ANKHD1: variants seen among roughly 807,000 people sequenced by gnomAD.
ANKHD1 encodes ankyrin repeat and KH domain-containing protein 1.
In ANKHD1, 31 loss-of-function variants were observed where a neutral mutation model predicts 230.5. That is an observed-to-expected ratio of 0.13 (90% CI 0.10 to 0.18). ANKHD1 has a LOEUF of 0.18. ANKHD1 is among the 10% of genes least tolerant of loss of function. The pLI is 1.00. For synonymous variants in ANKHD1, 1,074 were observed against 1,117.6 expected (o/e 0.96, Z 0.78); for missense variants, 2,256 against 3,071.3 (o/e 0.73, Z 6.27).
intron 7 of ANKHD1, among the ~76,000 whole-genome samples, chr5:140,453,029 T>G (rs1176185047): frequency 6.6e-6 from 1 of 152,116 alleles, no homozygotes; most frequent in African/African-American, 2.4e-5. Context: ...TTAAATGACC[T>G]GATGGAGCTG....
Position 140,485,293 on chromosome 5 carries a change from A to G in ANKHD1, c.1998+45A>G, listed in dbSNP as rs1745251669. 24 of 1,576,994 alleles carry G rather than the reference A, an allele frequency of 1.5e-5. No homozygotes were observed. Among genetic ancestry groups the G allele is most frequent in the Non-Finnish European group, 2.0e-5 (23 of 1,156,378 alleles). On this transcript the variant is annotated intron_variant, in intron 12 of 33. Transcript: ENST00000360839. The surrounding 1 kb of genome is among the most constrained non-coding windows in gnomAD (Gnocchi z 4.8). ...GTAAACAGGCTGTGTGCGGTGGCTC[A>G]TGTCTATGATCCCAGCACTTTAGAA...
At chr5:140,427,889 G>T (rs187756249) in intron 1 of ANKHD1, among the ~76,000 whole-genome samples, 3,324 of 151,626 alleles carry the variant, frequency 0.022, 74 homozygotes, top group Admixed American at 0.058. Flanking sequence ...CGGGGCGGCT[G>T]CCAGGTGGAG....
intron 30 of ANKHD1, chr5:140,535,771 A>G (rs187240923): frequency 2.1e-6 from 1 of 467,824 alleles, no homozygotes; most frequent in Admixed American, 4.8e-5. Flanking sequence ...GAAAAGAGGT[A>G]CTAGGCTGGG....
chr5:140,497,372 C>G, intron 15 of ANKHD1, 94 bp downstream of exon 15: 3 of 1,480,402 alleles, frequency 2.0e-6, no homozygotes, highest in South Asian at 2.9e-5. Context: ...TTGTACGTTT[C>G]CATTTTAGAA....
At position 140,509,652 on chromosome 5, in the gene ANKHD1, T is replaced by G; in HGVS notation, c.3781T>G (p.Leu1261Val). Residue 1261 changes from leucine to valine, a missense_variant, in exon 21 of 34, where the codon TTG becomes GTG. Leu to Val is a conservative substitution (Grantham distance 32, BLOSUM62 1). Transcript: ENST00000360839. Reference protein sequence around the residue: ...EHRAKTGLTPLMEAASGGYAE... With the variant: ...EHRAKTGLTPVMEAASGGYAE... ...GTTTAAACAGACGGGTCTTACCCCC[T>G]TGATGGAAGCAGCTTCTGGAGGGTA... The G allele has an allele frequency of 6.3e-7, 1 of 1,582,274 alleles. No homozygotes were observed. The highest frequency in any genetic ancestry group is 8.6e-7 in the Non-Finnish European group (1 of 1,167,630).
In ANKHD1 at chr5:140,440,996, T is replaced by C. The variant is rs1019641143; in HGVS notation, c.767T>C (p.Val256Ala). The change falls in exon 5 of 34, where the codon GTA (valine) becomes GCA (alanine). Residue 256 changes from valine to alanine, a missense_variant and splice_region_variant. This residue lies in a region of ANKHD1 where 206 missense variants were observed against 304.5 expected (regional missense o/e 0.68). Coordinates refer to ENST00000360839, the MANE Select transcript of ANKHD1 (RefSeq NM_017747.3). ...CSAGYYELAQ[V>A]LLAMHANVED... ...TCTGTCTGTATATGTGTTTTAAAGG[T>C]ATTGCTTGCTATGCATGCTAATGTT... 5.0e-6 allele frequency: 8 copies of C among 1,599,152 alleles called. No individual in the cohort carries two copies. The highest frequency in any genetic ancestry group is 5.1e-6 in the Non-Finnish European group (6 of 1,175,030).
At position 140,528,376 on chromosome 5, in the gene ANKHD1, T is replaced by G. The variant is rs938595792; in HGVS notation, c.5430T>G (p.Gly1810=). Residue 1810 remains glycine (G), a synonymous_variant, in exon 29 of 34, where the codon GGT becomes GGG. Transcript: ENST00000360839. ...AASSKNAFPL[G]APTLVTSQAT... ...CCAGTAAAAATGCATTTCCTTTGGG[T>G]GCTCCAACTCTTGTAACTTCACAGG... The G allele has an allele frequency of 6.6e-5, 107 of 1,614,032 alleles. No homozygotes were observed. The highest frequency in any genetic ancestry group is 8.8e-5 in the Non-Finnish European group (104 of 1,180,036).
chr5:140,525,333 G>A (rs1018118587), intron 25 of ANKHD1, among the ~76,000 whole-genome samples: 1 of 151,796 alleles, frequency 6.6e-6, no homozygotes, highest in African/African-American at 2.4e-5. Context: ...TGCAATCTCG[G>A]CTCACTGCAA....
At chr5:140,523,108 C>CCT (rs1491378048) in intron 24 of ANKHD1, among the ~76,000 whole-genome samples, 138 of 93,494 alleles carry the variant, frequency 1.5e-3, no homozygotes, top group African/African-American at 5.5e-3. Context: ...TTTCTTTTTC[C>CCT]TTTTTTTTTT....
chr5:140,450,243 C>T (rs544301709), intron 7 of ANKHD1, among the ~76,000 whole-genome samples: 6 of 151,652 alleles, frequency 4.0e-5, no homozygotes, highest in East Asian at 3.9e-4. Flanking sequence ...TGCTGTTTAG[C>T]GAATCACTCA....
intron 4 of ANKHD1, 49 bp downstream of exon 4, chr5:140,440,315 G>A (rs751074546): frequency 6.4e-7 from 1 of 1,567,516 alleles, no homozygotes; most frequent in South Asian, 1.2e-5. Context: ...GGGTTTTGAT[G>A]TTTTATTTAT....
At chr5:140,423,187 C>T (rs1772137559) in intron 1 of ANKHD1, among the ~76,000 whole-genome samples, 2 of 152,282 alleles carry the variant, frequency 1.3e-5, no homozygotes, top group South Asian at 2.1e-4. Context: ...CATGAGCCAC[C>T]ATGCCCAGCC....
chr5:140,457,592 A>T (rs980028020), intron 7 of ANKHD1, among the ~76,000 whole-genome samples: 10 of 152,174 alleles, frequency 6.6e-5, no homozygotes, highest in African/African-American at 2.4e-4. Flanking sequence ...TTCTCAGCAA[A>T]CTATCACAAG....
intron 10 of ANKHD1, among the ~76,000 whole-genome samples, chr5:140,477,769 G>A (rs1476581657): frequency 6.6e-6 from 1 of 152,086 alleles, no homozygotes; most frequent in African/African-American, 2.4e-5. Flanking sequence ...CTGCCTCCGC[G>A]CCTGGGTAAT....
At chr5:140,469,411 T>TGAG (rs1776333436) in intron 10 of ANKHD1, among the ~76,000 whole-genome samples, 1 of 150,634 alleles carries the variant, frequency 6.6e-6, no homozygotes, top group Non-Finnish European at 1.5e-5. Context: ...CTCAGGAGGC[T>TGAG]GAGGTGGATT....
intron 29 of ANKHD1, among the ~76,000 whole-genome samples, chr5:140,530,249 T>C (rs1269048592): frequency 6.6e-6 from 1 of 152,146 alleles, no homozygotes; most frequent in African/African-American, 2.4e-5. Flanking sequence ...TCTCACTCTA[T>C]CACCCAGGCT....
chr5:140,494,774 C>A (rs1003363038), intron 14 of ANKHD1, among the ~76,000 whole-genome samples: 8 of 152,008 alleles, frequency 5.3e-5, no homozygotes, highest in African/African-American at 1.9e-4. Context: ...ATTTTTAATA[C>A]AATGGATGAT....
intron 22 of ANKHD1, among the ~76,000 whole-genome samples, chr5:140,511,960 G>A (rs1752789990): frequency 6.6e-6 from 1 of 152,202 alleles, no homozygotes; most frequent in Non-Finnish European, 1.5e-5. Flanking sequence ...TGCTGGCCGG[G>A]TGCGGTGGCT....
chr5:140,527,468 A>C lies in ANKHD1; in HGVS notation c.5087+394A>C, dbSNP rs964402211. Reference sequence around the variant, plus strand: ...TTATTGCTAAGTATGAGCTGTTGATACTGGTTTAAAATGAATATGCTAGCA... The same window carrying C: ...TTATTGCTAAGTATGAGCTGTTGATCCTGGTTTAAAATGAATATGCTAGCA... On this transcript the variant is annotated intron_variant, in intron 27 of 33. Coordinates refer to ENST00000360839, the MANE Select transcript of ANKHD1 (RefSeq NM_017747.3). This position sits in a 1 kb window ranked among gnomAD's most constrained non-coding sequence, Gnocchi z 4.5. 1 of 213,824 alleles carries C rather than the reference A, an allele frequency of 4.7e-6. No individual in the cohort carries two copies. 13.2% of individuals were successfully genotyped at this position (213,824 alleles called of 1,614,324 possible).
Sources: allele counts gnomAD v4.1 joint callset (sites outside exome capture counted in the v4.1 genomes callset), GRCh38; gene constraint gnomAD v4.1.1; regional missense constraint gnomAD v4.1.1; non-coding constraint Gnocchi (gnomAD v3.1); transcripts MANE v1.5; gene names NCBI Gene and HGNC (gene_info 2026-07-23, HGNC 2026-07-21).